The following PPP6C variants were observed in gnomAD, a reference collection of about 807,000 sequenced individuals.
The protein encoded by PPP6C is serine/threonine-protein phosphatase 6 catalytic subunit.
Under a neutral mutation model 39.8 loss-of-function variants are expected in PPP6C, and 11 were observed. The ratio of observed to expected loss-of-function variants is 0.28; its 90% CI spans 0.17 to 0.46. The LOEUF is 0.46. Among genes scored for constraint, PPP6C ranks in the 20% least tolerant of loss-of-function variants. The probability of loss-of-function intolerance (pLI) is 1.00; values close to 1 mark genes in which losing one functional copy is unlikely to be tolerated. For missense variants in PPP6C, 211 were observed against 373.9 expected (o/e 0.56, Z 3.59); for synonymous variants, 129 against 130.3 (o/e 0.99, Z 0.07).
chr9:125,184,651 G>C (rs1040744927), intron 1 of PPP6C, among the ~76,000 whole-genome samples: 9 of 151,808 alleles, frequency 5.9e-5, no homozygotes, highest in African/African-American at 2.2e-4. Flanking sequence ...ATCACATACA[G>C]GGCAGTGTTC....
intron 1 of PPP6C, among the ~76,000 whole-genome samples, chr9:125,180,897 A>G (rs1829408133): frequency 6.6e-6 from 1 of 152,148 alleles, no homozygotes. Flanking sequence ...TGTCAATCTG[A>G]AAGATTGAGT....
At chr9:125,187,668 C>T (rs779956285) in intron 1 of PPP6C, among the ~76,000 whole-genome samples, 3 of 151,832 alleles carry the variant, frequency 2.0e-5, no homozygotes, top group Non-Finnish European at 4.4e-5. Context: ...AATTCCATGT[C>T]AATTCACTGA....
intron 1 of PPP6C, among the ~76,000 whole-genome samples, chr9:125,180,132 C>T (rs1471320949): frequency 2.0e-5 from 3 of 152,226 alleles, no homozygotes; most frequent in Admixed American, 6.5e-5. Context: ...TTAGCAGTCA[C>T]TCCCCTCATC....
At chr9:125,157,063 T>C (rs1836094986) in intron 4 of PPP6C, among the ~76,000 whole-genome samples, 1 of 152,140 alleles carries the variant, frequency 6.6e-6, no homozygotes, top group Admixed American at 6.6e-5. Context: ...ATGTGTCATG[T>C]TGGTGTGCTG....
chr9:125,165,016 C>T (rs1217154056), intron 2 of PPP6C, among the ~76,000 whole-genome samples: 3 of 151,812 alleles, frequency 2.0e-5, no homozygotes, highest in Admixed American at 6.6e-5. Context: ...GGATTACAGG[C>T]GTGAGCCACC....
intron 1 of PPP6C, among the ~76,000 whole-genome samples, chr9:125,186,863 ACTT>A (rs1462060584): frequency 1.3e-5 from 2 of 151,608 alleles, no homozygotes; most frequent in African/African-American, 4.9e-5. Flanking sequence ...TAAAAATTGT[ACTT>A]CCTTAAGGTA....
chr9:125,189,011 C>A, intron 1 of PPP6C: 1 of 1,225,628 alleles, frequency 8.2e-7, no homozygotes, highest in Non-Finnish European at 1.2e-6. Context: ...ACTTTATCCA[C>A]TTCAGTAAGC....
At chr9:125,156,399 G>A (rs950319392) in intron 4 of PPP6C, among the ~76,000 whole-genome samples, 17 of 151,926 alleles carry the variant, frequency 1.1e-4, no homozygotes, top group East Asian at 1.9e-4. Flanking sequence ...TCAGCCTCCC[G>A]AATAGCTGGG....
chr9:125,166,905 TTC>T (rs1829027923), intron 2 of PPP6C, among the ~76,000 whole-genome samples: 1 of 152,022 alleles, frequency 6.6e-6, no homozygotes, highest in Admixed American at 6.6e-5. Flanking sequence ...ACAGACTTTT[TTC>T]TTTTTCTTTT....
chr9:125,178,980 C>T (rs1230626992), intron 1 of PPP6C, among the ~76,000 whole-genome samples: 2 of 151,994 alleles, frequency 1.3e-5, no homozygotes, highest in African/African-American at 4.8e-5. Flanking sequence ...TTTGGGAGGC[C>T]GAGGAGGTCA....
At chr9:125,172,562 G>A (rs955546469) in intron 1 of PPP6C, among the ~76,000 whole-genome samples, 2 of 152,122 alleles carry the variant, frequency 1.3e-5, no homozygotes, top group African/African-American at 4.8e-5. Flanking sequence ...CGGATTAGTT[G>A]TTGTCAGGGG....
At chr9:125,183,570 G>A (rs1829462805) in intron 1 of PPP6C, among the ~76,000 whole-genome samples, 1 of 152,056 alleles carries the variant, frequency 6.6e-6, no homozygotes, top group Non-Finnish European at 1.5e-5. Flanking sequence ...AACAATCTAA[G>A]TTTAACAGCC....
At chr9:125,170,990 TTGA>T in intron 2 of PPP6C, 92 bp downstream of exon 2, 2 of 762,780 alleles carry the variant, frequency 2.6e-6, no homozygotes, top group Non-Finnish European at 3.9e-6. Context: ...GTTGTGTTTG[TTGA>T]TGTTGTTGTT....
rs1047981687 is a variant in PPP6C, at chr9:125,188,975, G to A, written c.75+669C>T. On this transcript the variant is annotated intron_variant, in intron 1 of 6. Coordinates refer to ENST00000373547, the MANE Select transcript of PPP6C (RefSeq NM_002721.5). ...GAGTTAAGAAGGGGTTAAGGAGAAA[G>A]TATTTGTATTTATTGAGAACCAACT... The A allele has an allele frequency of 5.2e-6, 8 of 1,523,818 alleles. No individual in the cohort carries two copies. In the African/African-American group the frequency reaches 9.7e-5, roughly 18 times the overall value. 94.4% of individuals were successfully genotyped at this position (1,523,818 alleles called of 1,614,324 possible).
intron 1 of PPP6C, among the ~76,000 whole-genome samples, 191 bp from the exon 2 acceptor site, chr9:125,171,371 A>C (rs1373007027): frequency 6.6e-6 from 1 of 150,958 alleles, no homozygotes; most frequent in East Asian, 1.9e-4. Context: ...TGCAATGCAA[A>C]CTACCTACAG....
At chr9:125,178,972 T>C (rs892325537) in intron 1 of PPP6C, among the ~76,000 whole-genome samples, 1 of 152,160 alleles carries the variant, frequency 6.6e-6, no homozygotes, top group Non-Finnish European at 1.5e-5. Context: ...CCCAGCACTT[T>C]GGGAGGCCGA....
chr9:125,150,421 G>GGTGTGTGTGTGTGTGTGT (rs113973939), intron 6 of PPP6C, among the ~76,000 whole-genome samples: 3 of 149,856 alleles, frequency 2.0e-5, no homozygotes, highest in Non-Finnish European at 1.5e-5. Flanking sequence ...CAATATAAGG[G>GGTGTGTGTGTGTGTGTGT]GTGTGTGTGT....
At chr9:125,158,426 A>G in intron 3 of PPP6C, 44 bp from the exon 4 acceptor site, 1 of 1,565,336 alleles carries the variant, frequency 6.4e-7, no homozygotes, top group South Asian at 1.1e-5. Flanking sequence ...CAATAGCCAC[A>G]ATATTCTTTT....
At chr9:125,166,639 T>G (rs1212189470) in intron 2 of PPP6C, among the ~76,000 whole-genome samples, 8 of 151,158 alleles carry the variant, frequency 5.3e-5, no homozygotes, top group Non-Finnish European at 1.2e-4. Context: ...TTCAAGTAAT[T>G]TTCCCTGCCT....
Sources: allele counts gnomAD v4.1 joint callset (sites outside exome capture counted in the v4.1 genomes callset), GRCh38; gene constraint gnomAD v4.1.1; transcripts MANE v1.5; gene names NCBI Gene and HGNC (gene_info 2026-07-23, HGNC 2026-07-21).